CILK1: variants seen among roughly 807,000 people sequenced by gnomAD.
The protein encoded by CILK1 is ciliogenesis associated kinase 1, also known as serine/threonine-protein kinase ICK.
In CILK1, 47 loss-of-function variants were observed where a neutral mutation model predicts 79.2. The observed-to-expected ratio is 0.59, with a 90% CI of 0.47 to 0.76. CILK1 has a LOEUF of 0.76. CILK1 is among the 30% of genes least tolerant of loss of function. The pLI, the probability that CILK1 is intolerant of heterozygous loss-of-function variation, is 0.00. For missense variants in CILK1, 660 were observed against 769.5 expected (o/e 0.86, Z 1.68); for synonymous variants, 266 against 275.9 (o/e 0.96, Z 0.36).
intron 12 of CILK1, 119 bp from the exon 13 acceptor site, chr6:53,006,556 GC>G: frequency 8.8e-7 from 1 of 1,132,422 alleles, no homozygotes. Flanking sequence ...AGGGAAAAGA[GC>G]AAATCATGAT....
At chr6:53,037,656 A>G (rs1162735544) in intron 3 of CILK1, among the ~76,000 whole-genome samples, 1 of 152,222 alleles carries the variant, frequency 6.6e-6, no homozygotes, top group Non-Finnish European at 1.5e-5. Context: ...CTTTACGTTA[A>G]TAATTAAGAA....
At chr6:53,059,258 G>T (rs1175506411) in intron 1 of CILK1, among the ~76,000 whole-genome samples, 7 of 152,160 alleles carry the variant, frequency 4.6e-5, no homozygotes, top group Admixed American at 4.6e-4. Flanking sequence ...TTGCACATGA[G>T]ATTAATAGTA....
rs1009956198 is a variant in CILK1, at chr6:53,012,062, T to C, written c.1318A>G (p.Arg440Gly). The C allele has an allele frequency of 1.2e-6, 2 of 1,614,218 alleles. No homozygotes were observed. Among genetic ancestry groups the C allele is most frequent in the Middle Eastern group, 1.6e-4 (1 of 6,062 alleles). ...CTGCAGAGAGTGTCATCACTCTGTCTTTTCTTGTTTTTCAGGTCAATCCTG... is the reference window on the plus strand; with the variant it reads ...CTGCAGAGAGTGTCATCACTCTGTCCTTTCTTGTTTTTCAGGTCAATCCTG... ...LSRIDLKNKK[R>G]QSDDTLCRFE... Residue 440 changes from arginine to glycine, a missense_variant, in exon 10 of 14, where the codon AGA becomes GGA. Transcript: ENST00000676107.
rs1266117882 is a variant in CILK1 at position 53,041,382 on chromosome 6, A to G, written c.-146T>C. On this transcript the variant is annotated 5_prime_UTR_variant, in exon 2 of 14. Transcript: ENST00000676107. ...AATAGGACGTGACTGTCTCCCAAATACATATTTCCAAAAATCAGTCTTCTG... is the reference window on the plus strand; with the variant it reads ...AATAGGACGTGACTGTCTCCCAAATGCATATTTCCAAAAATCAGTCTTCTG... 10 of 659,988 alleles carry G rather than the reference A, an allele frequency of 1.5e-5. No individual in the cohort carries two copies. Among genetic ancestry groups the G allele is most frequent in the Non-Finnish European group, 2.5e-5 (9 of 360,714 alleles). The allele number at this position is 659,988 out of a possible 1,614,324, so 40.9% of individuals were successfully genotyped here.
rs1763984374 is a variant in CILK1, at chr6:53,002,410, T to A, written c.*2739A>T. The A allele has an allele frequency of 6.6e-6, 1 of 152,216 alleles. No individual in the cohort carries two copies. Among genetic ancestry groups the A allele is most frequent in the Non-Finnish European group, 1.5e-5 (1 of 68,046 alleles). The allele number at this position is 152,216 out of a possible 1,614,324, so 9.4% of individuals were successfully genotyped here. ...TAGGTACAGTTACAGGTATATCATT[T>A]CTGTTGGTGTCTTACATTACATTTC... On this transcript the variant is annotated 3_prime_UTR_variant, in exon 14 of 14. Transcript: ENST00000676107.
chr6:53,045,612 G>A (rs1471926132), intron 1 of CILK1, among the ~76,000 whole-genome samples: 1 of 152,056 alleles, frequency 6.6e-6, no homozygotes, highest in Non-Finnish European at 1.5e-5. Context: ...TTACAATGAT[G>A]CTCAGTAGGT....
chr6:53,021,522 T>C (rs187729260), intron 5 of CILK1, among the ~76,000 whole-genome samples: 66 of 152,304 alleles, frequency 4.3e-4, no homozygotes, highest in Non-Finnish European at 4.4e-5. Context: ...CTCCTTTTTA[T>C]ATTAAACAGG....
At chr6:53,024,488 C>T (rs1015887414) in intron 5 of CILK1, among the ~76,000 whole-genome samples, 4 of 152,154 alleles carry the variant, frequency 2.6e-5, no homozygotes, top group Admixed American at 6.5e-5. Flanking sequence ...TTCAGAGCAC[C>T]CTCCAGCTTG....
chr6:53,027,408 T>C (rs529887529), intron 5 of CILK1, among the ~76,000 whole-genome samples: 23 of 152,278 alleles, frequency 1.5e-4, no homozygotes, highest in Non-Finnish European at 2.8e-4. Flanking sequence ...CAGTACCAAG[T>C]AGAGCTGTGT....
Position 53,016,193 on chromosome 6 carries a change from A to G in CILK1, c.721T>C (p.Cys241Arg). The G allele has an allele frequency of 6.2e-7, 1 of 1,614,088 alleles. No individual in the cohort carries two copies. Among genetic ancestry groups the G allele is most frequent in the Non-Finnish European group, 8.5e-7 (1 of 1,179,922 alleles). ...SSAMNFRWPQ[C>R]VPNNLKTLIP... is the part of the protein sequence containing the mutation. Reference sequence around the variant, plus strand: ...AAGGTCTTTAAGTTATTGGGTACACACTGTGGCCAACGGAAGTTCATTGCA... The same window carrying G: ...AAGGTCTTTAAGTTATTGGGTACACGCTGTGGCCAACGGAAGTTCATTGCA... Residue 241 changes from cysteine to arginine, a missense_variant, in exon 8 of 14, where the codon TGT becomes CGT. By Grantham distance (180) the Cys-to-Arg change is radical (BLOSUM62 -3). Transcript: ENST00000676107.
At chr6:53,043,117 A>C (rs755522684) in intron 1 of CILK1, among the ~76,000 whole-genome samples, 19 of 152,060 alleles carry the variant, frequency 1.2e-4, no homozygotes, top group Non-Finnish European at 2.4e-4. Flanking sequence ...GGAATTTGAG[A>C]CCAGCCTGGC....
At chr6:53,034,224 A>T (rs987290003) in intron 3 of CILK1, among the ~76,000 whole-genome samples, 1 of 152,202 alleles carries the variant, frequency 6.6e-6, no homozygotes, top group African/African-American at 2.4e-5. Context: ...AGAGAATTCT[A>T]GGCAAGGAGT....
intron 2 of CILK1, among the ~76,000 whole-genome samples, chr6:53,038,732 G>A (rs1766515062): frequency 1.3e-5 from 2 of 152,152 alleles, no homozygotes; most frequent in Admixed American, 1.3e-4. Context: ...TACTGCCTGT[G>A]GCTGCTTTCA....
chr6:53,028,270 T>C (rs978582664), intron 5 of CILK1, among the ~76,000 whole-genome samples: 4 of 151,988 alleles, frequency 2.6e-5, no homozygotes, highest in East Asian at 1.9e-4. Context: ...GAGCCGAGAC[T>C]GCGTGACTGC....
At chr6:53,059,540 T>TAA (rs971015347) in intron 1 of CILK1, among the ~76,000 whole-genome samples, 1 of 151,162 alleles carries the variant, frequency 6.6e-6, no homozygotes, top group Non-Finnish European at 1.5e-5. Context: ...CACAGGAGAG[T>TAA]AAAGAGAAGG....
intron 5 of CILK1, among the ~76,000 whole-genome samples, chr6:53,024,383 G>C (rs1210368500): frequency 6.6e-6 from 1 of 152,172 alleles, no homozygotes; most frequent in Non-Finnish European, 1.5e-5. Flanking sequence ...AGATGCTTAT[G>C]ATCAGCCTAA....
chr6:53,059,551 G>T (rs1768239996), intron 1 of CILK1, among the ~76,000 whole-genome samples: 1 of 152,122 alleles, frequency 6.6e-6, no homozygotes, highest in Non-Finnish European at 1.5e-5. Context: ...AAAGAGAAGG[G>T]AGGTAGTTTC....
At chr6:53,023,834 A>G (rs1765401379) in intron 5 of CILK1, among the ~76,000 whole-genome samples, 1 of 152,262 alleles carries the variant, frequency 6.6e-6, no homozygotes, top group Admixed American at 6.5e-5. Context: ...ATACTATGGC[A>G]TAATGGCGGA....
intron 3 of CILK1, among the ~76,000 whole-genome samples, chr6:53,035,877 G>GCTTCTGCCTT (rs1357297415): frequency 6.6e-6 from 1 of 151,856 alleles, no homozygotes; most frequent in Admixed American, 6.6e-5. Flanking sequence ...CTTTCTACCT[G>GCTTCTGCCTT]CTTCTGCCTT....
Sources: gnomAD v4.1 joint callset for allele counts (sites outside exome capture counted in the v4.1 genomes callset) on GRCh38, gnomAD v4.1.1 for gene constraint, MANE v1.5 for transcripts, NCBI Gene and HGNC (gene_info 2026-07-23, HGNC 2026-07-21) for gene names.